The following ANKRD36 variants were observed in gnomAD, a reference collection of about 807,000 sequenced individuals.
The protein encoded by ANKRD36 is ankyrin repeat domain-containing protein 36A.
In ANKRD36, 179 loss-of-function variants were observed where a neutral mutation model predicts 278.1. That is an observed-to-expected ratio of 0.64 (90% CI 0.57 to 0.73). The LOEUF is 0.73. Among genes scored for constraint, ANKRD36 ranks in the 30% least tolerant of loss-of-function variants. ANKRD36 has a pLI of 0.00. For missense variants in ANKRD36, 1,159 were observed against 1,956.7 expected (o/e 0.59, Z 7.69); for synonymous variants, 320 against 641.1 (o/e 0.50, Z 7.57).
chr2:97,136,067 G>T (rs1054916184), intron 6 of ANKRD36, among the ~76,000 whole-genome samples: 6 of 151,458 alleles, frequency 4.0e-5, no homozygotes, highest in Non-Finnish European at 7.4e-5. Context: ...AGTGATCAGG[G>T]TGTGATTAGA....
intron 6 of ANKRD36, among the ~76,000 whole-genome samples, chr2:97,134,799 A>T (rs1295422738): frequency 1.3e-5 from 2 of 152,030 alleles, no homozygotes; most frequent in Admixed American, 1.3e-4. Context: ...ACTCCCTGGC[A>T]ACTTGCCATA....
intron 42 of ANKRD36, 116 bp downstream of exon 42, chr2:97,196,904 G>C (rs1410513941): frequency 1.4e-6 from 2 of 1,463,736 alleles, no homozygotes; most frequent in East Asian, 5.0e-5. Flanking sequence ...CAGCAGGCCG[G>C]AGATTCTTCA....
intron 22 of ANKRD36, among the ~76,000 whole-genome samples, chr2:97,172,696 A>G (rs572059050): frequency 4.8e-4 from 73 of 152,238 alleles, no homozygotes; most frequent in African/African-American, 1.6e-3. Context: ...TGAATGTTAA[A>G]CTCTAAACTA....
chr2:97,166,866 A>ATTAT (rs958065747), intron 20 of ANKRD36, among the ~76,000 whole-genome samples: 4 of 152,188 alleles, frequency 2.6e-5, no homozygotes, highest in African/African-American at 7.2e-5. Context: ...TTTCTTAAGT[A>ATTAT]TTATTTATTT....
At position 97,158,589 on chromosome 2, in the gene ANKRD36, A is replaced by G; in HGVS notation, c.1323A>G (p.Leu441=). The G allele has an allele frequency of 6.5e-7, 1 of 1,536,140 alleles. No individual in the cohort carries two copies. The highest frequency in any genetic ancestry group is 8.7e-7 in the Non-Finnish European group (1 of 1,146,666). The stretch of plus-strand genomic sequence containing the variant: ...CTCTTGACTTTGTTTTTACTGTAGT[A>G]GATGCTGCATGTGGCATTGACAAAA... ...RTISQQSAEN[L]DAACGIDKTE... Residue 441 remains leucine (L), a splice_region_variant and synonymous_variant, in exon 17 of 76, where the codon TTA becomes TTG. Transcript: ENST00000420699.
chr2:97,198,446 TC>T lies in ANKRD36; in HGVS notation c.2654-14del. Reference sequence around the variant, plus strand: ...GTTTTTACATATGAGTGATTATGAATCCCTTTTACTTTTCAGTGTCTTCTGA... The same window carrying T: ...GTTTTTACATATGAGTGATTATGAATCCTTTTACTTTTCAGTGTCTTCTGA... On this transcript the variant is annotated splice_polypyrimidine_tract_variant and intron_variant, in intron 42 of 75. Coordinates refer to ENST00000420699, the MANE Select transcript of ANKRD36 (RefSeq NM_001354587.1). The T allele has an allele frequency of 6.3e-7, 1 of 1,575,124 alleles. No homozygotes were observed. The highest frequency in any genetic ancestry group is 8.6e-7 in the Non-Finnish European group (1 of 1,162,614).
At chr2:97,225,923 A>G (rs1198164945) in intron 67 of ANKRD36, among the ~76,000 whole-genome samples, 17 of 151,564 alleles carry the variant, frequency 1.1e-4, no homozygotes, top group African/African-American at 4.1e-4. Flanking sequence ...ATGATTTCCA[A>G]TTTCATCCAT....
intron 66 of ANKRD36, among the ~76,000 whole-genome samples, chr2:97,219,890 T>A (rs2066935560): frequency 6.9e-6 from 1 of 145,888 alleles, no homozygotes; most frequent in Non-Finnish European, 1.5e-5. Flanking sequence ...TCAATTTTGA[T>A]ACTGTAAAAT....
chr2:97,113,622 G>C lies in ANKRD36; in HGVS notation c.-118G>C. 7.6e-7 allele frequency: 1 copy of C among 1,322,772 alleles called. No individual in the cohort carries two copies. The highest frequency in any genetic ancestry group is 1.0e-6 in the Non-Finnish European group (1 of 954,922). 81.9% of individuals were successfully genotyped at this position (1,322,772 alleles called of 1,614,324 possible). ...TTTCTGCTGAGAGGCGGGAGGCGCTGAGAGTCTGTGCGGAGGTCCGTGGAC... is the reference window on the plus strand; with the variant it reads ...TTTCTGCTGAGAGGCGGGAGGCGCTCAGAGTCTGTGCGGAGGTCCGTGGAC... On this transcript the variant is annotated 5_prime_UTR_variant, in exon 1 of 76. Transcript: ENST00000420699.
At chr2:97,204,701 G>A (rs1343992600) in intron 50 of ANKRD36, among the ~76,000 whole-genome samples, 3 of 151,746 alleles carry the variant, frequency 2.0e-5, no homozygotes, top group East Asian at 2.0e-4. Context: ...TGTAGCAACA[G>A]TTTTCCTAAG....
Position 97,158,694 on chromosome 2 carries a change from CAG to C in ANKRD36, c.1389+42_1389+43del, listed in dbSNP as rs1375249231. On this transcript the variant is annotated intron_variant, in intron 17 of 75. Coordinates refer to ENST00000420699, the MANE Select transcript of ANKRD36 (RefSeq NM_001354587.1). ...TGGTTAAAAGCCAACATAGAATAAT[CAG>C]AGTCCAGTCCTGTTCACCAACTCAC... is the stretch of plus-strand genomic sequence containing the variant. 5 of 1,507,326 alleles carry C rather than the reference CAG, an allele frequency of 3.3e-6. No homozygotes were observed. In the South Asian group the frequency reaches 6.1e-5, roughly 18 times the overall value. The allele number at this position is 1,507,326 out of a possible 1,614,324, so 93.4% of individuals were successfully genotyped here.
At chr2:97,118,019 A>C in intron 1 of ANKRD36, 45 bp from the exon 2 acceptor site, 1 of 1,536,570 alleles carries the variant, frequency 6.5e-7, no homozygotes, top group Admixed American at 2.1e-5. Flanking sequence ...CATGCTAATT[A>C]ATGCTTACAG....
At chr2:97,202,133 G>C (rs9324211) in intron 46 of ANKRD36, 69 bp from the exon 47 acceptor site, 1,149,635 of 1,588,820 alleles carry the variant, frequency 0.72, 426,082 homozygotes, top group Non-Finnish European at 0.79. Flanking sequence ...GATTCTAACA[G>C]TGCTCGAATG....
At chr2:97,197,567 A>G (rs1485098283) in intron 42 of ANKRD36, among the ~76,000 whole-genome samples, 2 of 151,886 alleles carry the variant, frequency 1.3e-5, no homozygotes, top group Non-Finnish European at 2.9e-5. Flanking sequence ...TACAACAGCT[A>G]TTTCATGAAA....
chr2:97,202,515 C>A, intron 48 of ANKRD36, 122 bp downstream of exon 48: 1 of 1,443,894 alleles, frequency 6.9e-7, no homozygotes, highest in Admixed American at 2.3e-5. Flanking sequence ...GCTGGAGATT[C>A]TTCATTTGTA....
intron 22 of ANKRD36, among the ~76,000 whole-genome samples, chr2:97,170,843 C>T (rs2052254144): frequency 1.3e-5 from 2 of 150,220 alleles, no homozygotes; most frequent in Non-Finnish European, 3.0e-5. Flanking sequence ...TGAACTCAAA[C>T]AAATTTACAA....
At chr2:97,207,753 T>C in intron 52 of ANKRD36, 58 bp from the exon 53 acceptor site, 1 of 1,542,334 alleles carries the variant, frequency 6.5e-7, no homozygotes, top group Non-Finnish European at 8.8e-7. Flanking sequence ...TGTATGAATG[T>C]ATGGATAATT....
chr2:97,162,101 A>ATTTTTTGTT lies in ANKRD36; in HGVS notation c.1392_1393insTTTTTTGTT (p.Glu464_Gly465insPhePheVal), dbSNP rs2049046313. The ATTTTTTGTT allele has an allele frequency of 6.8e-7, 1 of 1,480,896 alleles. No individual in the cohort carries two copies. The allele number at this position is 1,480,896 out of a possible 1,614,324, so 91.7% of individuals were successfully genotyped here. A position where few individuals can be genotyped will look rare whatever the true frequency, so the allele number is the denominator to read the frequency against. ...GATTTCTTTTTTTTTTTTAATAGGAAGGAAAAGCACTACCAGCAACTGGAC... is the reference window on the plus strand; with the variant it reads ...GATTTCTTTTTTTTTTTTAATAGGAATTTTTTGTTGGAAAAGCACTACCAGCAACTGGAC... On this transcript the variant is annotated inframe_insertion, in exon 18 of 76. Transcript: ENST00000420699.
At chr2:97,139,523 A>G (rs2042343926) in intron 6 of ANKRD36, among the ~76,000 whole-genome samples, 2 of 152,108 alleles carry the variant, frequency 1.3e-5, no homozygotes, top group East Asian at 1.9e-4. Flanking sequence ...TTATTGTATG[A>G]TCTAATGATA....
Sources: allele counts gnomAD v4.1 joint callset (sites outside exome capture counted in the v4.1 genomes callset), GRCh38; gene constraint gnomAD v4.1.1; transcripts MANE v1.5; gene names NCBI Gene and HGNC (gene_info 2026-07-23, HGNC 2026-07-21).